Variants in NDUFAF2 observed in about 807,000 individuals in gnomAD.
NDUFAF2 encodes NADH dehydrogenase [ubiquinone] 1 alpha subcomplex assembly factor 2.
A neutral mutation model predicts 22.8 loss-of-function variants in NDUFAF2; 13 were observed. That is an observed-to-expected ratio of 0.57 (90% CI 0.37 to 0.91). NDUFAF2 has a LOEUF of 0.91. Among genes scored for constraint, NDUFAF2 ranks in the 40% least tolerant of loss-of-function variants. NDUFAF2 has a pLI of 0.01. For missense variants in NDUFAF2, 162 were observed against 195.2 expected (o/e 0.83, Z 1.01); for synonymous variants, 53 against 64.2 (o/e 0.83, Z 0.84).
At chr5:61,105,809 A>G (rs1022721504) in intron 3 of NDUFAF2, among the ~76,000 whole-genome samples, 4 of 151,488 alleles carry the variant, frequency 2.6e-5, no homozygotes, top group African/African-American at 4.9e-5. Flanking sequence ...ATAAACCCAC[A>G]AGGTCATAGA....
intron 1 of NDUFAF2, among the ~76,000 whole-genome samples, chr5:60,948,097 T>A (rs1750488100): frequency 6.6e-6 from 1 of 152,216 alleles, no homozygotes; most frequent in Non-Finnish European, 1.5e-5. Context: ...ATATTCAATA[T>A]CCACAACAAT....
chr5:61,036,744 T>C (rs963820848), intron 1 of NDUFAF2, among the ~76,000 whole-genome samples: 1 of 151,982 alleles, frequency 6.6e-6, no homozygotes, highest in African/African-American at 2.4e-5. Context: ...AGAGACAGAG[T>C]TGTGACCTTG....
intron 1 of NDUFAF2, 94 bp downstream of exon 1, chr5:60,945,476 A>G (rs1239041166): frequency 1.3e-6 from 2 of 1,540,338 alleles, no homozygotes; most frequent in Admixed American, 3.4e-5. Context: ...CTAACGCATC[A>G]TGCGACACTT....
intron 1 of NDUFAF2, among the ~76,000 whole-genome samples, chr5:60,989,322 T>C (rs895118188): frequency 1.3e-5 from 2 of 152,162 alleles, no homozygotes; most frequent in African/African-American, 4.8e-5. Context: ...GAGTGTAAAT[T>C]AGTTCACCCA....
At position 61,128,986 on chromosome 5, in the gene NDUFAF2, T is replaced by G. The variant is rs187929209; in HGVS notation, c.259-23718T>G. Reference sequence around the variant, plus strand: ...CAACCCCATCAAAAAGTGGGCAAAGTATATGAACAGACACTTCTCAAAAGA... The same window carrying G: ...CAACCCCATCAAAAAGTGGGCAAAGGATATGAACAGACACTTCTCAAAAGA... On this transcript the variant is annotated intron_variant, in intron 3 of 3. Coordinates refer to ENST00000296597, the MANE Select transcript of NDUFAF2 (RefSeq NM_174889.5). Among the ~76,000 whole-genome samples, 193 of 152,012 alleles carry G rather than the reference T, an allele frequency of 1.3e-3. 8 individuals carry two copies. In the East Asian group the frequency reaches 0.029, roughly 23 times the overall value.
At chr5:61,123,849 A>G (rs1002061244) in intron 3 of NDUFAF2, among the ~76,000 whole-genome samples, 1 of 152,124 alleles carries the variant, frequency 6.6e-6, no homozygotes, top group African/African-American at 2.4e-5. Context: ...AACATATTGT[A>G]TGAGAATGAA....
intron 1 of NDUFAF2, among the ~76,000 whole-genome samples, chr5:60,995,701 G>A (rs1288326554): frequency 1.3e-5 from 2 of 152,194 alleles, no homozygotes; most frequent in Non-Finnish European, 2.9e-5. Context: ...CTGCCTATAT[G>A]TACTCAAGGC....
At position 61,136,004 on chromosome 5, in the gene NDUFAF2, T is replaced by TA. The variant is rs1561136578; in HGVS notation, c.259-16700_259-16699insA. 4.4e-4 allele frequency among the ~76,000 whole-genome samples: 32 copies of TA among 73,036 alleles called. 1 individual carries two copies. Among genetic ancestry groups the TA allele is most frequent in the South Asian group, 1.1e-3 (2 of 1,860 alleles). 47.9% of individuals were successfully genotyped at this position (73,036 alleles called of 152,430 possible). On this transcript the variant is annotated intron_variant, in intron 3 of 3. Transcript: ENST00000296597. Reference sequence around the variant, plus strand: ...CTTGGTCCCTACATCTAAGCCTGTCTTTATATATATATATATATATATATA... The same window carrying TA: ...CTTGGTCCCTACATCTAAGCCTGTCTATTATATATATATATATATATATATA...
At chr5:61,005,130 C>A (rs981004619) in intron 1 of NDUFAF2, among the ~76,000 whole-genome samples, 2 of 151,916 alleles carry the variant, frequency 1.3e-5, no homozygotes, top group African/African-American at 2.4e-5. Flanking sequence ...ATGTTCCCCA[C>A]CCTGTGTCCA....
intron 1 of NDUFAF2, among the ~76,000 whole-genome samples, chr5:61,046,539 A>G (rs1751956327): frequency 6.6e-6 from 1 of 152,030 alleles, no homozygotes; most frequent in Admixed American, 6.6e-5. Context: ...TGTGTCTCTT[A>G]TATTTAACCA....
chr5:61,031,887 G>C (rs550778062), intron 1 of NDUFAF2, among the ~76,000 whole-genome samples: 61 of 152,248 alleles, frequency 4.0e-4, no homozygotes, highest in African/African-American at 1.4e-3. Flanking sequence ...TCCAGCATCT[G>C]TTGTTTCCTG....
At chr5:61,040,280 A>ACGCGCGCGCGCGCG (rs745774856) in intron 1 of NDUFAF2, among the ~76,000 whole-genome samples, 5 of 114,674 alleles carry the variant, frequency 4.4e-5, no homozygotes, top group African/African-American at 1.5e-4. Context: ...ACACACACAC[A>ACGCGCGCGCGCGCG]CACACACGCG....
chr5:61,005,338 T>C (rs1258638819), intron 1 of NDUFAF2, among the ~76,000 whole-genome samples: 2 of 152,216 alleles, frequency 1.3e-5, no homozygotes, highest in African/African-American at 4.8e-5. Context: ...AGTCTATCAT[T>C]GTTGGACATT....
At chr5:61,017,781 A>G (rs1051215409) in intron 1 of NDUFAF2, among the ~76,000 whole-genome samples, 2 of 151,278 alleles carry the variant, frequency 1.3e-5, no homozygotes, top group African/African-American at 4.9e-5. Flanking sequence ...ATGGAGTCTC[A>G]CTCTGTTGCC....
intron 1 of NDUFAF2, among the ~76,000 whole-genome samples, chr5:60,968,773 C>T (rs1750790422): frequency 6.6e-6 from 1 of 151,940 alleles, no homozygotes; most frequent in South Asian, 2.1e-4. Context: ...AATTGTCACC[C>T]TGTTGTGCTA....
chr5:61,025,227 A>T (rs1449915399), intron 1 of NDUFAF2, among the ~76,000 whole-genome samples: 1 of 152,056 alleles, frequency 6.6e-6, no homozygotes, highest in African/African-American at 2.4e-5. Context: ...CCTCATAAAC[A>T]TAACTGGCAC....
At position 61,052,628 on chromosome 5, in the gene NDUFAF2, A is replaced by T. The variant is rs1463832282; in HGVS notation, c.128-20497A>T. Among the ~76,000 whole-genome samples, 8 of 152,236 alleles carry T rather than the reference A, an allele frequency of 5.3e-5. No individual in the cohort carries two copies. The East Asian group carries it at 1.5e-3, about 29-fold the overall frequency. ...ACTGGCATATTTGTTATTTTCTATT[A>T]TCCTTAATACTAATGTCTGATGTGA... is the stretch of plus-strand genomic sequence containing the variant. On this transcript the variant is annotated intron_variant, in intron 1 of 3. Coordinates refer to ENST00000296597, the MANE Select transcript of NDUFAF2 (RefSeq NM_174889.5).
At chr5:61,068,783 T>C (rs1285622929) in intron 1 of NDUFAF2, among the ~76,000 whole-genome samples, 2 of 152,120 alleles carry the variant, frequency 1.3e-5, no homozygotes, top group African/African-American at 4.8e-5. Flanking sequence ...TTTTTACTCT[T>C]TTACTTTTAG....
At chr5:61,102,976 C>G (rs1379315931) in intron 3 of NDUFAF2, among the ~76,000 whole-genome samples, 1 of 152,048 alleles carries the variant, frequency 6.6e-6, no homozygotes, top group Non-Finnish European at 1.5e-5. Flanking sequence ...ACTGGAGCAC[C>G]CACAACTTTT....
Sources: gnomAD v4.1 joint callset for allele counts (sites outside exome capture counted in the v4.1 genomes callset) on GRCh38, gnomAD v4.1.1 for gene constraint, MANE v1.5 for transcripts, NCBI Gene and HGNC (gene_info 2026-07-23, HGNC 2026-07-21) for gene names.